RANBP2: variants seen among roughly 807,000 people sequenced by gnomAD.
RANBP2 encodes the protein E3 SUMO-protein ligase RanBP2.
RANBP2 carries 57 observed loss-of-function variants against 303.6 expected under a neutral mutation model. The observed-to-expected ratio is 0.19, with a 90% confidence interval of 0.15 to 0.23. The LOEUF (loss-of-function observed/expected upper bound fraction) is 0.23, where lower values mean the gene tolerates loss of function less well. Among genes scored for constraint, RANBP2 ranks in the 10% least tolerant of loss-of-function variants. The pLI is 1.00. For synonymous variants in RANBP2, 1,167 were observed against 1,301.5 expected, an observed-to-expected ratio of 0.90 and a Z score of 2.23; for missense variants, 3,138 against 3,780.8, an observed-to-expected ratio of 0.83 and a Z score of 4.46.
chr2:109,722,762 G>A, the RANBP2 span, among the ~76,000 whole-genome samples: 9 of 152,184 alleles, frequency 5.9e-5, no homozygotes, highest in Non-Finnish European at 1.0e-4. Context: ...TTAGTTTGCT[G>A]AAGATAATGG....
Position 108,773,054 on chromosome 2 carries a change from C to G in RANBP2, c.8292+8C>G, listed in dbSNP as rs753695366. ...AAAGTTCAGGAAGCTCAAGTAAGAA[C>G]ATCTCTAATAAATTTTCCTTCTAGT... On this transcript the variant is annotated splice_region_variant and intron_variant, in intron 23 of 28. Transcript: ENST00000283195. 2 of 1,604,564 alleles carry G rather than the reference C, an allele frequency of 1.2e-6. No homozygotes were observed. The highest frequency in any genetic ancestry group is 1.7e-5 in the Admixed American group (1 of 59,016).
At chr2:109,698,542 C>A in the RANBP2 span, among the ~76,000 whole-genome samples, 1 of 151,872 alleles carries the variant, frequency 6.6e-6, no homozygotes, top group Non-Finnish European at 1.5e-5. Flanking sequence ...TCTATAGCTC[C>A]TGAATATATT....
At chr2:108,751,234 C>G (rs1264154110) in intron 9 of RANBP2, 30 bp from the exon 10 acceptor site, 1 of 1,611,838 alleles carries the variant, frequency 6.2e-7, no homozygotes, top group Non-Finnish European at 8.5e-7. Flanking sequence ...AATTTCAAAC[C>G]CTTAAGCCAA....
chr2:108,782,258 C>T lies in RANBP2; in HGVS notation c.8891C>T (p.Thr2964Ile). ...GVGDIKILWH[T>I]MKNYYRILMR... is the part of the protein sequence containing the mutation. ...GGAGATATAAAGATTCTTTGGCATA[C>T]AATGAAGAATTATTACCGGATCCTA... The change falls in exon 27 of 29, where the codon ACA becomes ATA. Residue 2964 changes from threonine (T) to isoleucine (I), a missense_variant. By Grantham distance (89) the Thr-to-Ile change is moderately conservative. Around this residue, in one of 20 missense-constraint regions of RANBP2, gnomAD observed 68 missense variants for 117.4 expected, o/e 0.58. Transcript: ENST00000283195. The T allele has an allele frequency of 6.2e-7, 1 of 1,614,080 alleles. No homozygotes were observed. The highest frequency in any genetic ancestry group is 8.5e-7 in the Non-Finnish European group (1 of 1,180,000).
the RANBP2 span, among the ~76,000 whole-genome samples, chr2:109,712,785 C>T: frequency 7.9e-5 from 12 of 152,112 alleles, no homozygotes; most frequent in East Asian, 9.7e-4. Context: ...TAATCTAGGC[C>T]GATTCATGAT....
chr2:109,371,666 G>A, the RANBP2 span: 64 of 1,613,626 alleles, frequency 4.0e-5, no homozygotes, highest in African/African-American at 1.7e-4. Flanking sequence ...GGATCTTCCC[G>A]CTCCTGTACG....
the RANBP2 span, among the ~76,000 whole-genome samples, chr2:109,026,665 G>C: frequency 6.6e-6 from 1 of 152,172 alleles, no homozygotes; most frequent in African/African-American, 2.4e-5. Flanking sequence ...TGATTGCTCG[G>C]CACCCTCTAG....
the RANBP2 span, among the ~76,000 whole-genome samples, chr2:108,810,418 A>G: frequency 6.6e-6 from 1 of 152,104 alleles, no homozygotes; most frequent in Non-Finnish European, 1.5e-5. Flanking sequence ...AGGTAATTAT[A>G]TTTCATTCTG....
At chr2:109,614,501 G>C in the RANBP2 span, 1 of 1,248,572 alleles carries the variant, frequency 8.0e-7, no homozygotes, top group African/African-American at 1.6e-5. Flanking sequence ...TGGAGGGGCC[G>C]GCAGAGTGGG....
the RANBP2 span, among the ~76,000 whole-genome samples, chr2:109,592,599 T>G: frequency 6.6e-6 from 1 of 151,482 alleles, no homozygotes; most frequent in Non-Finnish European, 1.5e-5. Context: ...ACCAACATGG[T>G]GAAACCCCAT....
chr2:109,637,554 C>A, the RANBP2 span, among the ~76,000 whole-genome samples: 1 of 152,120 alleles, frequency 6.6e-6, no homozygotes, highest in Non-Finnish European at 1.5e-5. Flanking sequence ...GTGCATTGCG[C>A]CCCTGGTTTA....
chr2:109,434,219 C>T, the RANBP2 span, among the ~76,000 whole-genome samples: 1 of 152,222 alleles, frequency 6.6e-6, no homozygotes, highest in Non-Finnish European at 1.5e-5. Context: ...GGCGGGTGTC[C>T]ACACCTCTGG....
the RANBP2 span, among the ~76,000 whole-genome samples, chr2:109,263,901 G>A: frequency 2.0e-5 from 3 of 152,164 alleles, no homozygotes; most frequent in East Asian, 1.9e-4. Context: ...CCCAGGAGAC[G>A]GAGCTTGCAG....
the RANBP2 span, among the ~76,000 whole-genome samples, chr2:109,210,858 G>A: frequency 6.6e-6 from 1 of 152,344 alleles, no homozygotes; most frequent in Non-Finnish European, 1.5e-5. Flanking sequence ...TTACAACCTA[G>A]GTGAGAAATC....
At chr2:108,810,713 G>A in the RANBP2 span, among the ~76,000 whole-genome samples, 1 of 152,144 alleles carries the variant, frequency 6.6e-6, no homozygotes, top group Non-Finnish European at 1.5e-5. Context: ...AGTTTTTTGG[G>A]ATAGTTTGAG....
chr2:108,857,066 CTTTTTTTTTTTTTTTTT>C, the RANBP2 span: 10 of 44,066 alleles, frequency 2.3e-4, no homozygotes, highest in South Asian at 1.4e-3. Flanking sequence ...GATACTATTG[CTTTTTTTTTTTTTTTTT>C]TTTTTTTTTT....
the RANBP2 span, chr2:109,545,714 T>A: frequency 1.4e-6 from 2 of 1,453,162 alleles, no homozygotes; most frequent in African/African-American, 2.8e-5. Flanking sequence ...TCAGCAGCCA[T>A]TAGCTGTGTA....
At chr2:108,823,837 C>T in the RANBP2 span, among the ~76,000 whole-genome samples, 3 of 152,008 alleles carry the variant, frequency 2.0e-5, no homozygotes, top group East Asian at 5.8e-4. Flanking sequence ...ATTAGTTGGG[C>T]GTGGTGGCGG....
chr2:109,143,404 A>G, the RANBP2 span, among the ~76,000 whole-genome samples: 2 of 152,186 alleles, frequency 1.3e-5, no homozygotes, highest in African/African-American at 2.4e-5. Context: ...CACAGGGCCA[A>G]TATCTGAAAG....
Sources: allele counts gnomAD v4.1 joint callset (sites outside exome capture counted in the v4.1 genomes callset), GRCh38; gene constraint gnomAD v4.1.1; regional missense constraint gnomAD v4.1.1; transcripts MANE v1.5; gene names NCBI Gene and HGNC (gene_info 2026-07-23, HGNC 2026-07-21).